Variants in LCAT observed in about 807,000 individuals in gnomAD.
The protein encoded by LCAT is phosphatidylcholine-sterol acyltransferase.
In LCAT, 15 loss-of-function variants were observed where a neutral mutation model predicts 41.0. The ratio of observed to expected loss-of-function variants is 0.37; its 90% CI spans 0.24 to 0.56. The LOEUF is 0.56. Ranked by LOEUF, LCAT falls within the 20% of genes least tolerant of loss-of-function variation. The pLI is 0.81. For synonymous variants in LCAT, 248 were observed against 245.4 expected (o/e 1.01, Z -0.10); for missense variants, 449 against 595.1 (o/e 0.75, Z 2.55).
rs139453193 is a variant in LCAT at position 67,940,246 on chromosome 16, T to G, written c.981A>C (p.Gly327=). Residue 327 remains glycine (G), a synonymous_variant, in exon 6 of 6, where the codon GGA becomes GGC. Coordinates refer to ENST00000264005, the MANE Select transcript of LCAT (RefSeq NM_000229.2). ...MWLQSRDLLA[G]LPAPGVEVYC... is the part of the protein sequence containing the mutation. ...ATACTTCCACACCAGGTGCTGGGAG[T>G]CCTGCCAGGAGGTCACGTGACTGCA... 1.0e-4 allele frequency: 163 copies of G among 1,613,378 alleles called. No homozygotes were observed. The highest frequency in any genetic ancestry group is 1.3e-4 in the Non-Finnish European group (157 of 1,179,982).
At chr16:67,941,097 A>G (rs1278033545) in intron 5 of LCAT, among the ~76,000 whole-genome samples, 2 of 152,194 alleles carry the variant, frequency 1.3e-5, no homozygotes, top group Non-Finnish European at 2.9e-5. Context: ...TAAGGTCAGG[A>G]GTTCGAGACC....
chr16:67,943,509 GTGGGAACAGATAGGTCTGGGGGCA>G lies in LCAT; in HGVS notation c.155-321_155-298del. Reference sequence around the variant, plus strand: ...CGCTCCTTTATTGCCAAAGTCCAAGGTGGGAACAGATAGGTCTGGGGGCATGGGGGCTGGGCCTAATAGGGGCCG... The same window carrying G: ...CGCTCCTTTATTGCCAAAGTCCAAGGTGGGGGCTGGGCCTAATAGGGGCCG... On this transcript the variant is annotated intron_variant, in intron 1 of 5. Transcript: ENST00000264005. The surrounding 1 kb of genome is among the most constrained non-coding windows in gnomAD (Gnocchi z 4.6). 1 of 524,938 alleles carries G rather than the reference GTGGGAACAGATAGGTCTGGGGGCA, an allele frequency of 1.9e-6. No homozygotes were observed. Among genetic ancestry groups the G allele is most frequent in the East Asian group, 3.5e-5 (1 of 28,404 alleles). 32.5% of individuals were successfully genotyped at this position (524,938 alleles called of 1,614,324 possible).
intron 5 of LCAT, chr16:67,941,285 C>T (rs2058289251): frequency 6.6e-6 from 1 of 152,042 alleles, no homozygotes; most frequent in African/African-American, 2.4e-5. Flanking sequence ...GCCTGGGAAA[C>T]AGAGCGAGAC....
At position 67,939,822 on chromosome 16, in the gene LCAT, A is replaced by G. The variant is rs1598202189; in HGVS notation, c.*82T>C. On this transcript the variant is annotated 3_prime_UTR_variant, in exon 6 of 6. Transcript: ENST00000264005. ...AGCACTGAGCCTGTGGCTGGTGAGG[A>G]GTGAAACCTAGTGTGGGACTCTAGT... The G allele has an allele frequency of 6.4e-7, 1 of 1,559,698 alleles. No individual in the cohort carries two copies. The highest frequency in any genetic ancestry group is 1.3e-5 in the African/African-American group (1 of 74,102).
At chr16:67,941,740 T>C in intron 5 of LCAT, 4 of 1,001,194 alleles carry the variant, frequency 4.0e-6, no homozygotes, top group Non-Finnish European at 2.4e-6. Context: ...CATGTGTCTT[T>C]CTGCTCCTTG....
rs1292728945 is a variant in LCAT at position 67,942,889 on chromosome 16, C to T, written c.399G>A (p.Val133=). 2 of 1,613,694 alleles carry T rather than the reference C, an allele frequency of 1.2e-6. No individual in the cohort carries two copies. The highest frequency in any genetic ancestry group is 1.7e-6 in the Non-Finnish European group (2 of 1,179,996). The change falls in exon 3 of 6, where the codon GTG becomes GTA. Residue 133 remains valine (V), a synonymous_variant. Transcript: ENST00000264005. The surrounding 1 kb of genome is among the most constrained non-coding windows in gnomAD (Gnocchi z 6.6). The stretch of plus-strand genomic sequence containing the variant: ...CCAGCTTGCTGCTGTCCAGGTACTC[C>T]ACAGAGTAGGTCTTGCCAAAGCCAG... ...RVPGFGKTYS[V]EYLDSSKLAG... is the part of the protein sequence containing the mutation.
Position 67,940,235 on chromosome 16 carries a change from G to A in LCAT, c.992C>T (p.Pro331Leu), listed in dbSNP as rs2058285062. The change falls in exon 6 of 6, where the codon CCT becomes CTT. Residue 331 changes from proline (P) to leucine (L), a missense_variant. By Grantham distance (98) the Pro-to-Leu change is moderately conservative (BLOSUM62 -3). Coordinates refer to ENST00000264005, the MANE Select transcript of LCAT (RefSeq NM_000229.2). ...SRDLLAGLPAPGVEVYCLYGV... is the reference protein window; with the variant it reads ...SRDLLAGLPALGVEVYCLYGV... ...GTAAAGACAGTATACTTCCACACCA[G>A]GTGCTGGGAGTCCTGCCAGGAGGTC... is the stretch of plus-strand genomic sequence containing the variant. 1 of 1,613,564 alleles carries A rather than the reference G, an allele frequency of 6.2e-7. No individual in the cohort carries two copies. The highest frequency in any genetic ancestry group is 8.5e-7 in the Non-Finnish European group (1 of 1,180,000).
At chr16:67,941,620 G>C (rs559025650) in intron 5 of LCAT, 4 of 907,528 alleles carry the variant, frequency 4.4e-6, no homozygotes, top group Non-Finnish European at 5.3e-6. Flanking sequence ...GTCTGAAAAA[G>C]AAAAAAAAAA....
chr16:67,943,286 A>G lies in LCAT; in HGVS notation c.155-74T>C. On this transcript the variant is annotated intron_variant, in intron 1 of 5. Transcript: ENST00000264005. The surrounding 1 kb of genome is among the most constrained non-coding windows in gnomAD (Gnocchi z 4.6). The stretch of plus-strand genomic sequence containing the variant: ...TTACCCCCGTCACCCCAGATGCTGC[A>G]GTGACCAGACCCACCCCCCACCTCC... 2.0e-6 allele frequency: 3 copies of G among 1,505,330 alleles called. No individual in the cohort carries two copies. Among genetic ancestry groups the G allele is most frequent in the Non-Finnish European group, 2.7e-6 (3 of 1,109,156 alleles). The allele number at this position is 1,505,330 out of a possible 1,614,324, so 93.2% of individuals were successfully genotyped here. A position where few individuals can be genotyped will look rare whatever the true frequency, so the allele number is the denominator to read the frequency against.
In LCAT at chr16:67,943,941, G is replaced by T. The variant is rs574650706; in HGVS notation, c.154+7C>A. The T allele has an allele frequency of 2.6e-6, 4 of 1,544,402 alleles. No homozygotes were observed. The East Asian group carries it at 9.8e-5, about 38-fold the overall frequency. On this transcript the variant is annotated splice_region_variant and intron_variant, in intron 1 of 5. Coordinates refer to ENST00000264005, the MANE Select transcript of LCAT (RefSeq NM_000229.2). The surrounding 1 kb of genome is among the most constrained non-coding windows in gnomAD (Gnocchi z 4.6). ...CGTGGTGCATCAGGGGCCTGGTGGG[G>T]GCTTACCGAGGATGACGGGCCGTGT...
chr16:67,943,162 C>T lies in LCAT; in HGVS notation c.205G>A (p.Val69Met). 6.2e-7 allele frequency: 1 copy of T among 1,613,890 alleles called. No individual in the cohort carries two copies. Among genetic ancestry groups the T allele is most frequent in the South Asian group, 1.1e-5 (1 of 91,086 alleles). ...TTGCGGTAGCACATCCAGTTCACCA[C>T]ATCTGGTTTGTCCAGCTTGGCTTCT... ...QLEAKLDKPD[V>M]VNWMCYRKTE... Residue 69 changes from valine to methionine, a missense_variant, in exon 2 of 6, where the codon GTG (valine) becomes ATG (methionine). Physicochemically the swap from Val to Met is conservative, Grantham distance 21. Transcript: ENST00000264005. The surrounding 1 kb of genome is among the most constrained non-coding windows in gnomAD (Gnocchi z 4.6).
At chr16:67,941,614 G>A in intron 5 of LCAT, 2 of 984,166 alleles carry the variant, frequency 2.0e-6, no homozygotes, top group African/African-American at 3.5e-5. Context: ...GACCCTGTCT[G>A]AAAAAGAAAA....
chr16:67,942,335 T>C lies in LCAT; in HGVS notation c.748+28A>G. On this transcript the variant is annotated intron_variant, in intron 5 of 5. Coordinates refer to ENST00000264005, the MANE Select transcript of LCAT (RefSeq NM_000229.2). The surrounding 1 kb of genome is among the most constrained non-coding windows in gnomAD (Gnocchi z 6.6). ...GGATCAGCTTGGTCTCACCCATCGC[T>C]GGACCTAAGTGTTCGAGGCCTTCTC... The C allele has an allele frequency of 6.2e-7, 1 of 1,609,546 alleles. No homozygotes were observed. The highest frequency in any genetic ancestry group is 8.5e-7 in the Non-Finnish European group (1 of 1,176,420).
chr16:67,942,425 C>A lies in LCAT; in HGVS notation c.686G>T (p.Gly229Val). Residue 229 changes from glycine to valine, a missense_variant, in exon 5 of 6, where the codon GGC (glycine) becomes GTC (valine). Transcript: ENST00000264005. The surrounding 1 kb of genome is among the most constrained non-coding windows in gnomAD (Gnocchi z 6.6). ...PQAWKDRFID[G>V]FISLGAPWGG... ...CCAGGGAGCCCCAAGAGAGATGAAG[C>A]CATCAATAAAGCGGTCCTTCCAGGC... 1.2e-6 allele frequency: 2 copies of A among 1,613,974 alleles called. No homozygotes were observed. Among genetic ancestry groups the A allele is most frequent in the Non-Finnish European group, 1.7e-6 (2 of 1,180,012 alleles).
Position 67,942,789 on chromosome 16 carries a change from G to T in LCAT, c.428-23C>A, listed in dbSNP as rs13306496. On this transcript the variant is annotated intron_variant, in intron 3 of 5. Transcript: ENST00000264005. The surrounding 1 kb of genome is among the most constrained non-coding windows in gnomAD (Gnocchi z 6.6). ...ACCCTGTGGGGGGACCAGCAGCACC[G>T]GGGGCTTGGGCCATGCCTGCTGTGG... is the stretch of plus-strand genomic sequence containing the variant. The T allele has an allele frequency of 0.013, 20,703 of 1,612,138 alleles. 1,021 individuals are homozygous for T. In the African/African-American group the frequency reaches 0.15, roughly 12 times the overall value.
rs970971982 is a variant in LCAT at position 67,943,886 on chromosome 16, G to A, written c.154+62C>T. On this transcript the variant is annotated intron_variant, in intron 1 of 5. Transcript: ENST00000264005. This position sits in a 1 kb window ranked among gnomAD's most constrained non-coding sequence, Gnocchi z 4.6. Reference sequence around the variant, plus strand: ...GGGCTTTGGCCAGGTCAGCTGCCAGGGGCTGGGGCCCAGGCTCCCCAGGGT... The same window carrying A: ...GGGCTTTGGCCAGGTCAGCTGCCAGAGGCTGGGGCCCAGGCTCCCCAGGGT... 6 of 1,450,928 alleles carry A rather than the reference G, an allele frequency of 4.1e-6. No individual in the cohort carries two copies. The highest frequency in any genetic ancestry group is 4.6e-6 in the Non-Finnish European group (5 of 1,077,192). 89.9% of individuals were successfully genotyped at this position (1,450,928 alleles called of 1,614,324 possible).
intron 5 of LCAT, 57 bp from the exon 6 acceptor site, chr16:67,940,535 A>T (rs993098803): frequency 6.2e-7 from 1 of 1,608,152 alleles, no homozygotes. Context: ...CCTGGCCCAC[A>T]ACCTGCTGAG....
At position 67,942,919 on chromosome 16, in the gene LCAT, G is replaced by A. The variant is rs754797387; in HGVS notation, c.369C>T (p.Arg123=). ...LVSNAPGVQI[R]VPGFGKTYSV... The stretch of plus-strand genomic sequence containing the variant: ...AGTAGGTCTTGCCAAAGCCAGGGAC[G>A]CGGATCTGGACACCAGGGGCGTTGG... The change falls in exon 3 of 6, where the codon CGC becomes CGT. Residue 123 remains arginine, a synonymous_variant. Transcript: ENST00000264005. The surrounding 1 kb of genome is among the most constrained non-coding windows in gnomAD (Gnocchi z 6.6). 3.5e-5 allele frequency: 56 copies of A among 1,613,794 alleles called. No homozygotes were observed. The highest frequency in any genetic ancestry group is 1.1e-4 in the East Asian group (5 of 44,892).
At position 67,943,279 on chromosome 16, in the gene LCAT, A is replaced by G; in HGVS notation, c.155-67T>C. The G allele has an allele frequency of 6.6e-7, 1 of 1,514,866 alleles. No homozygotes were observed. The highest frequency in any genetic ancestry group is 1.8e-5 in the Admixed American group (1 of 56,266). 93.8% of individuals were successfully genotyped at this position (1,514,866 alleles called of 1,614,324 possible). ...GTGACCCTTACCCCCGTCACCCCAG[A>G]TGCTGCAGTGACCAGACCCACCCCC... On this transcript the variant is annotated intron_variant, in intron 1 of 5. Coordinates refer to ENST00000264005, the MANE Select transcript of LCAT (RefSeq NM_000229.2). The surrounding 1 kb of genome is among the most constrained non-coding windows in gnomAD (Gnocchi z 4.6).
Sources: gnomAD v4.1 joint callset for allele counts (sites outside exome capture counted in the v4.1 genomes callset) on GRCh38, gnomAD v4.1.1 for gene constraint, Gnocchi (gnomAD v3.1) non-coding constraint, MANE v1.5 for transcripts, NCBI Gene and HGNC (gene_info 2026-07-23, HGNC 2026-07-21) for gene names.